TRAK1: variants seen among roughly 807,000 people sequenced by gnomAD.
The protein encoded by TRAK1 is trafficking kinesin-binding protein 1.
Under a neutral mutation model 92.1 loss-of-function variants are expected in TRAK1, and 33 were observed. That is an observed-to-expected ratio of 0.36 (90% CI 0.27 to 0.48). The LOEUF (loss-of-function observed/expected upper bound fraction) is 0.48, where lower values mean the gene tolerates loss of function less well. TRAK1 is among the 20% of genes least tolerant of loss of function. TRAK1 has a pLI of 0.99. For synonymous variants in TRAK1, 521 were observed against 517.3 expected, an observed-to-expected ratio of 1.01 and a Z score of -0.10; for missense variants, 1,123 against 1,257.9, an observed-to-expected ratio of 0.89 and a Z score of 1.62.
rs114595344 is a variant in TRAK1, at chr3:42,073,717, C to G, written c.-518-13387C>G. ...CTCATCTCCTCATCTCCCACCTGTT[C>G]AACTTTTACATGATATTTTCCACTG... On this transcript the variant is annotated intron_variant, in intron 1 of 16. Transcript: ENST00000487159. Among the ~76,000 whole-genome samples the G allele has an allele frequency of 1.5e-3, 230 of 152,268 alleles. 1 individual carries two copies. The highest frequency in any genetic ancestry group is 5.4e-3 in the African/African-American group (224 of 41,566).
upstream of TRAK1, among the ~76,000 whole-genome samples, chr3:42,088,098 A>G (rs1704775789): frequency 6.6e-6 from 1 of 152,228 alleles, no homozygotes; most frequent in Non-Finnish European, 1.5e-5. Flanking sequence ...ATCCAGTTGC[A>G]TTCATATAGA....
At chr3:42,031,135 G>C (rs1576127898) in intron 1 of TRAK1, among the ~76,000 whole-genome samples, 1 of 148,534 alleles carries the variant, frequency 6.7e-6, no homozygotes, top group Non-Finnish European at 1.5e-5. Flanking sequence ...TCCCAGATTC[G>C]AGCAATTCTC....
Position 42,222,802 on chromosome 3 carries a change from G to C in TRAK1, c.2067-140G>C, listed in dbSNP as rs747907183. On this transcript the variant is annotated intron_variant, in intron 15 of 15. Coordinates refer to ENST00000327628, the MANE Select transcript of TRAK1 (RefSeq NM_001042646.3). ...AGAGGGAGGAGCAGACGTGGACAGA[G>C]CCTTTGGGGGCCTCAGCTGGTGGAA... 5.8e-4 allele frequency: 469 copies of C among 807,224 alleles called. 2 individuals are homozygous for C. Among genetic ancestry groups the C allele is most frequent in the Non-Finnish European group, 7.8e-4 (394 of 508,042 alleles). 50.0% of individuals were successfully genotyped at this position (807,224 alleles called of 1,614,324 possible).
At chr3:42,030,556 C>T (rs1462426829) in intron 1 of TRAK1, among the ~76,000 whole-genome samples, 2 of 148,614 alleles carry the variant, frequency 1.3e-5, no homozygotes, top group African/African-American at 2.5e-5. Context: ...GCCTGTAATC[C>T]CAGCTATTTG....
chr3:42,081,671 A>G (rs1228151993), intron 1 of TRAK1, among the ~76,000 whole-genome samples: 1 of 152,226 alleles, frequency 6.6e-6, no homozygotes, highest in East Asian at 1.9e-4. Flanking sequence ...GATCCATAGT[A>G]AAGTAGGTTT....
chr3:42,098,495 A>G (rs1201759470), intron 1 of TRAK1, among the ~76,000 whole-genome samples: 1 of 152,098 alleles, frequency 6.6e-6, no homozygotes, highest in African/African-American at 2.4e-5. Context: ...AGAGGTGAGG[A>G]TATCAATAAC....
intron 2 of TRAK1, among the ~76,000 whole-genome samples, chr3:42,161,603 A>T (rs1701282208): frequency 6.6e-6 from 1 of 152,146 alleles, no homozygotes; most frequent in Non-Finnish European, 1.5e-5. Flanking sequence ...CCAGGCTGGA[A>T]CTTTTGTTTT....
intron 3 of TRAK1, among the ~76,000 whole-genome samples, chr3:42,184,097 TA>T (rs71288048): frequency 6.6e-6 from 1 of 152,116 alleles, no homozygotes; most frequent in South Asian, 2.1e-4. Context: ...CTTTTCTAAG[TA>T]AAAAAACAGA....
chr3:42,117,050 C>G (rs1034214742), intron 1 of TRAK1, among the ~76,000 whole-genome samples: 1 of 152,104 alleles, frequency 6.6e-6, no homozygotes, highest in Admixed American at 6.5e-5. Context: ...TCCCTGGTCT[C>G]TTGGGTGGAG....
intron 3 of TRAK1, among the ~76,000 whole-genome samples, chr3:42,184,244 CAG>C (rs1315183802): frequency 6.6e-6 from 1 of 152,200 alleles, no homozygotes; most frequent in African/African-American, 2.4e-5. Context: ...GCTTCATTGT[CAG>C]AGCATTTTAG....
chr3:42,169,828 T>G (rs1392074263), intron 2 of TRAK1, among the ~76,000 whole-genome samples: 1 of 152,204 alleles, frequency 6.6e-6, no homozygotes, highest in Non-Finnish European at 1.5e-5. Context: ...CTGGTCTAGG[T>G]GTCTGGGCAG....
intron 1 of TRAK1, among the ~76,000 whole-genome samples, chr3:42,116,345 A>T (rs1189719493): frequency 6.6e-6 from 1 of 152,238 alleles, no homozygotes; most frequent in Non-Finnish European, 1.5e-5. Flanking sequence ...GTGGAATCAC[A>T]ACTTTTGTGG....
intron 10 of TRAK1, among the ~76,000 whole-genome samples, chr3:42,198,705 G>C (rs1277481108): frequency 6.6e-6 from 1 of 152,114 alleles, no homozygotes; most frequent in Non-Finnish European, 1.5e-5. Context: ...AGACACAGAG[G>C]GGGTGTGACA....
At chr3:42,160,893 T>C (rs1701207481) in intron 2 of TRAK1, among the ~76,000 whole-genome samples, 1 of 152,218 alleles carries the variant, frequency 6.6e-6, no homozygotes, top group East Asian at 1.9e-4. Flanking sequence ...GTGCATGGCA[T>C]TCCAGCATTC....
rs76548405 is a variant in TRAK1, at chr3:42,027,816, C to G, written c.-519+13699C>G. Among the ~76,000 whole-genome samples the G allele has an allele frequency of 5.8e-3, 880 of 152,208 alleles. 10 individuals are homozygous for G. The highest frequency in any genetic ancestry group is 0.036 in the South Asian group (174 of 4,824). On this transcript the variant is annotated intron_variant, in intron 1 of 16. Coordinates refer to the TRAK1 transcript ENST00000487159. ...CTAATTTTATCTGAAGGAGGGGAATCATAAAGTAGGAAGCCTTTTATCTCA... is the reference window on the plus strand; with the variant it reads ...CTAATTTTATCTGAAGGAGGGGAATGATAAAGTAGGAAGCCTTTTATCTCA...
chr3:42,205,437 C>CT (rs1250689087), intron 13 of TRAK1, among the ~76,000 whole-genome samples: 3 of 152,328 alleles, frequency 2.0e-5, no homozygotes, highest in African/African-American at 7.2e-5. Flanking sequence ...ATCTTGCCAT[C>CT]TGCTTATTGT....
chr3:42,163,581 A>T (rs1425660373), intron 2 of TRAK1, among the ~76,000 whole-genome samples: 2 of 151,942 alleles, frequency 1.3e-5, no homozygotes, highest in Non-Finnish European at 2.9e-5. Flanking sequence ...GAAAAAAAAA[A>T]AAAAAGGCAT....
chr3:42,212,810 G>C (rs1034352394), intron 14 of TRAK1, among the ~76,000 whole-genome samples: 3 of 152,284 alleles, frequency 2.0e-5, no homozygotes, highest in Non-Finnish European at 4.4e-5. Flanking sequence ...ATTGGTAGTT[G>C]GCTAGTGGAT....
intron 2 of TRAK1, among the ~76,000 whole-genome samples, chr3:42,158,787 CAAAAAA>C (rs149521969): frequency 1.4e-5 from 1 of 69,546 alleles, no homozygotes; most frequent in African/African-American, 4.6e-5. Flanking sequence ...ACAAAAAATA[CAAAAAA>C]AAAAAAAAAA....
Sources: gnomAD v4.1 joint callset for allele counts (sites outside exome capture counted in the v4.1 genomes callset) on GRCh38, gnomAD v4.1.1 for gene constraint, MANE v1.5 for transcripts, NCBI Gene and HGNC (gene_info 2026-07-23, HGNC 2026-07-21) for gene names.